Variants in PTPRQ observed in about 807,000 individuals in gnomAD.
The protein encoded by PTPRQ is phosphatidylinositol phosphatase PTPRQ.
In PTPRQ, 199 loss-of-function variants were observed where a neutral mutation model predicts 246.0. The ratio of observed to expected loss-of-function variants is 0.81; its 90% CI spans 0.72 to 0.91. PTPRQ has a LOEUF of 0.91. Among genes scored for constraint, PTPRQ ranks in the 40% least tolerant of loss-of-function variants. PTPRQ has a pLI of 0.00. For missense variants in PTPRQ, 2,624 were observed against 2,528.4 expected (o/e 1.04, Z -0.81); for synonymous variants, 869 against 853.2 (o/e 1.02, Z -0.32).
At chr12:80,587,673 T>G (rs1261819502) in intron 25 of PTPRQ, among the ~76,000 whole-genome samples, 2 of 152,328 alleles carry the variant, frequency 1.3e-5, no homozygotes, top group South Asian at 2.1e-4. Flanking sequence ...TTATTTAAAA[T>G]TGTTTTATAA....
chr12:80,468,859 T>C (rs1263917762), intron 7 of PTPRQ, 21 bp downstream of exon 7: 1 of 1,541,906 alleles, frequency 6.5e-7, no homozygotes, highest in African/African-American at 1.4e-5. Context: ...ATTGGTTTTG[T>C]GTTTGCCTTT....
chr12:80,593,944 T>C (rs943254645), intron 26 of PTPRQ, among the ~76,000 whole-genome samples: 1 of 151,070 alleles, frequency 6.6e-6, no homozygotes, highest in Non-Finnish European at 1.5e-5. Context: ...GAAAGGAAAA[T>C]TCCTGGGGTA....
In PTPRQ at chr12:80,542,632, A is replaced by G. The variant is rs1242030431; in HGVS notation, c.3722-98A>G. ...GAAATTTAAATATGATCATTTTATA[A>G]ATCTTTTTAAACTAGTGTCTTCAAG... On this transcript the variant is annotated intron_variant, in intron 22 of 44. Transcript: ENST00000644991. The G allele has an allele frequency of 3.0e-6, 4 of 1,313,386 alleles. No homozygotes were observed. In the African/African-American group the frequency reaches 4.6e-5, roughly 15 times the overall value. 81.4% of individuals were successfully genotyped at this position (1,313,386 alleles called of 1,614,324 possible).
At position 80,510,380 on chromosome 12, in the gene PTPRQ, A is replaced by C. The variant is rs1482935451; in HGVS notation, c.2615A>C (p.Lys872Thr). ...AAACAGTTGTCTGGTGTCACGGTGA[A>C]GTTGTCATGGCAACCACCCCTGGAG... ...SVKQLSGVTV[K>T]LSWQPPLEPN... is the part of the protein sequence containing the mutation. Residue 872 changes from lysine (K) to threonine (T), a missense_variant, in exon 17 of 45, where the codon AAG becomes ACG. Lys to Thr is a moderately conservative substitution (Grantham distance 78). Coordinates refer to ENST00000644991, the MANE Select transcript of PTPRQ (RefSeq NM_001145026.2). 6.5e-7 allele frequency: 1 copy of C among 1,550,360 alleles called. No homozygotes were observed. The highest frequency in any genetic ancestry group is 8.7e-7 in the Non-Finnish European group (1 of 1,146,192).
rs1258364012 is a variant in PTPRQ, at chr12:80,618,077, C to T, written c.5231-1307C>T. On this transcript the variant is annotated intron_variant, in intron 30 of 44. Transcript: ENST00000644991. ...TCTTACACATCCAGTCTCATTTTAG[C>T]CTTTATTTCTCTTAGTACCCAAACT... Among the ~76,000 whole-genome samples, 3 of 151,246 alleles carry T rather than the reference C, an allele frequency of 2.0e-5. No homozygotes were observed. The East Asian group carries it at 5.9e-4, about 29-fold the overall frequency.
chr12:80,484,061 A>G (rs1253838699), intron 8 of PTPRQ, among the ~76,000 whole-genome samples: 1 of 151,598 alleles, frequency 6.6e-6, no homozygotes, highest in Non-Finnish European at 1.5e-5. Flanking sequence ...GCTGGAGTGC[A>G]GTGGTGCAAT....
chr12:80,542,281 C>T lies in PTPRQ; in HGVS notation c.3638C>T (p.Thr1213Ile), dbSNP rs1226916887. Residue 1213 changes from threonine (T) to isoleucine (I), a missense_variant, in exon 22 of 45, where the codon ACA (threonine) becomes ATA (isoleucine). Transcript: ENST00000644991. ...ATATTGGAAGAGCTTTCACCATTTA[C>T]ATTATATAGCTTTTTTGCTGCCGCA... is the stretch of plus-strand genomic sequence containing the variant. ...YIILEELSPF[T>I]LYSFFAAART... The T allele has an allele frequency of 3.2e-6, 5 of 1,550,158 alleles. No individual in the cohort carries two copies. The highest frequency in any genetic ancestry group is 1.2e-5 in the South Asian group (1 of 83,646).
chr12:80,629,266 T>TA (rs1899329616), intron 33 of PTPRQ, among the ~76,000 whole-genome samples: 1 of 152,138 alleles, frequency 6.6e-6, no homozygotes, highest in Non-Finnish European at 1.5e-5. Flanking sequence ...GGCCTCACCC[T>TA]ATGGCCTCAT....
chr12:80,551,170 G>C (rs1896464550), intron 25 of PTPRQ, among the ~76,000 whole-genome samples: 1 of 152,096 alleles, frequency 6.6e-6, no homozygotes, highest in Non-Finnish European at 1.5e-5. Flanking sequence ...CCTAGTTGGA[G>C]TATCAACTCC....
intron 25 of PTPRQ, among the ~76,000 whole-genome samples, chr12:80,566,372 G>C (rs1415180529): frequency 6.6e-6 from 1 of 151,964 alleles, no homozygotes; most frequent in Admixed American, 6.6e-5. Flanking sequence ...CAGCTACTTG[G>C]GAGGCTGAGG....
chr12:80,550,877 C>T (rs1896454208), intron 25 of PTPRQ, among the ~76,000 whole-genome samples: 1 of 151,790 alleles, frequency 6.6e-6, no homozygotes, highest in Non-Finnish European at 1.5e-5. Context: ...TAGTCTGTTC[C>T]CCCATCATCC....
In PTPRQ at chr12:80,669,059, C is replaced by G. The variant is rs986995950; in HGVS notation, c.6245C>G (p.Thr2082Arg). 6.4e-7 allele frequency: 1 copy of G among 1,550,416 alleles called. No individual in the cohort carries two copies. The highest frequency in any genetic ancestry group is 8.7e-7 in the Non-Finnish European group (1 of 1,146,046). The change falls in exon 40 of 45, where the codon ACA becomes AGA. Residue 2082 changes from threonine (T) to arginine (R), a missense_variant. Coordinates refer to ENST00000644991, the MANE Select transcript of PTPRQ (RefSeq NM_001145026.2). ...FIATQGPLPGTVGDFWRMVWE... is the reference protein window; with the variant it reads ...FIATQGPLPGRVGDFWRMVWE... ...GCTACTCAAGGTCCACTACCAGGAA[C>G]AGTTGGAGATTTTTGGAGAATGGTG...
intron 43 of PTPRQ, among the ~76,000 whole-genome samples, chr12:80,673,795 T>A (rs1175443062): frequency 6.6e-6 from 1 of 152,110 alleles, no homozygotes; most frequent in Non-Finnish European, 1.5e-5. Context: ...ACTGTGAGGT[T>A]TTTGTTTGTT....
chr12:80,461,008 TC>T (rs1893146120), intron 6 of PTPRQ, 106 bp downstream of exon 6: 1 of 393,100 alleles, frequency 2.5e-6, no homozygotes, highest in South Asian at 1.4e-4. Context: ...GTAACTTTTT[TC>T]CCCTAATAAT....
rs1413476931 is a variant in PTPRQ, at chr12:80,493,426, A to G, written c.1511A>G (p.Asn504Ser). Residue 504 changes from asparagine (N) to serine (S), a missense_variant, in exon 10 of 45, where the codon AAT becomes AGT. Coordinates refer to ENST00000644991, the MANE Select transcript of PTPRQ (RefSeq NM_001145026.2). ...CCAGATAAAAACTTTCCTGCAAGGA[A>G]TAGAGCTGAAGACCAGACTTCACCA... ...SHPDKNFPAR[N>S]RAEDQTSPVV... is the part of the protein sequence containing the mutation. 6.5e-7 allele frequency: 1 copy of G among 1,549,524 alleles called. No homozygotes were observed. The highest frequency in any genetic ancestry group is 8.7e-7 in the Non-Finnish European group (1 of 1,145,642).
Position 80,679,020 on chromosome 12 carries a change from G to A in PTPRQ, c.6897G>A (p.Met2299Ile). The A allele has an allele frequency of 1.9e-6, 3 of 1,547,538 alleles. No individual in the cohort carries two copies. The highest frequency in any genetic ancestry group is 2.6e-6 in the Non-Finnish European group (3 of 1,145,100). The change falls in exon 45 of 45, where the codon ATG becomes ATA. Residue 2299 changes from methionine to isoleucine, a missense_variant. By Grantham distance (10) the Met-to-Ile change is conservative (BLOSUM62 1). Transcript: ENST00000644991. ...AGCTTGAATGGGAAGAAACCACTAT[G>A]TAAATATTCAGACCAAAGGATACAA... ...DVELEWEETT[M>I]
chr12:80,544,753 T>C (rs913793413), intron 23 of PTPRQ, among the ~76,000 whole-genome samples: 1 of 152,146 alleles, frequency 6.6e-6, no homozygotes, highest in African/African-American at 2.4e-5. Flanking sequence ...TCTACCCTGA[T>C]ATCCTGACAG....
At chr12:80,472,471 A>C (rs1297331625) in intron 8 of PTPRQ, among the ~76,000 whole-genome samples, 1 of 152,214 alleles carries the variant, frequency 6.6e-6, no homozygotes, top group Non-Finnish European at 1.5e-5. Flanking sequence ...AAGGTTAGGA[A>C]ATATCATATG....
chr12:80,628,800 AG>A (rs1414489207), intron 33 of PTPRQ, among the ~76,000 whole-genome samples: 1 of 152,172 alleles, frequency 6.6e-6, no homozygotes, highest in Non-Finnish European at 1.5e-5. Flanking sequence ...AATAAGATAA[AG>A]TTATGGAGGA....
Sources: allele counts gnomAD v4.1 joint callset (sites outside exome capture counted in the v4.1 genomes callset), GRCh38; gene constraint gnomAD v4.1.1; transcripts MANE v1.5; gene names NCBI Gene and HGNC (gene_info 2026-07-23, HGNC 2026-07-21).